DTNBP1: variants seen among roughly 807,000 people sequenced by gnomAD.
DTNBP1 encodes dysbindin.
Under a neutral mutation model 42.8 loss-of-function variants are expected in DTNBP1, and 35 were observed. The observed-to-expected ratio is 0.82, with a 90% CI of 0.63 to 1.09. The LOEUF (loss-of-function observed/expected upper bound fraction) is 1.09, where lower values mean the gene tolerates loss of function less well. Among genes scored for constraint, DTNBP1 ranks in the 50% least tolerant of loss-of-function variants. The pLI is 0.00. For synonymous variants in DTNBP1, 171 were observed against 162.2 expected, an observed-to-expected ratio of 1.05 and a Z score of -0.41; for missense variants, 457 against 424.2, an observed-to-expected ratio of 1.08 and a Z score of -0.68.
At chr6:15,639,765 C>A (rs1265866135) in intron 3 of DTNBP1, among the ~76,000 whole-genome samples, 1 of 152,160 alleles carries the variant, frequency 6.6e-6, no homozygotes, top group Admixed American at 6.5e-5. Flanking sequence ...ACCTAACAAA[C>A]AAGAGACACA....
At chr6:15,570,987 A>G (rs1022524740) in intron 7 of DTNBP1, among the ~76,000 whole-genome samples, 6 of 152,190 alleles carry the variant, frequency 3.9e-5, no homozygotes, top group Non-Finnish European at 8.8e-5. Context: ...ATCTATCTTA[A>G]TGGCATTAAG....
At chr6:15,615,900 A>AT (rs1382736389) in intron 5 of DTNBP1, among the ~76,000 whole-genome samples, 6 of 152,238 alleles carry the variant, frequency 3.9e-5, no homozygotes, top group African/African-American at 1.4e-4. Context: ...ATATGCACAA[A>AT]TACTTGGTAA....
At chr6:15,661,603 G>A (rs1011090744) in intron 1 of DTNBP1, among the ~76,000 whole-genome samples, 1 of 127,706 alleles carries the variant, frequency 7.8e-6, no homozygotes, top group East Asian at 2.7e-4. Flanking sequence ...CCGAGATCAC[G>A]CCACTGCACT....
chr6:15,524,782 T>C (rs577887028), intron 8 of DTNBP1, 113 bp from the exon 9 acceptor site: 8 of 1,516,124 alleles, frequency 5.3e-6, no homozygotes, highest in Middle Eastern at 1.7e-4. Flanking sequence ...TCCTTCAAAA[T>C]GGAATTTGAA....
At chr6:15,604,093 G>T (rs1038306924) in intron 6 of DTNBP1, among the ~76,000 whole-genome samples, 10 of 152,212 alleles carry the variant, frequency 6.6e-5, no homozygotes, top group African/African-American at 2.2e-4. Flanking sequence ...GCAGGATGCA[G>T]AGGCAATCAC....
intron 4 of DTNBP1, among the ~76,000 whole-genome samples, chr6:15,631,914 A>G (rs371199079): frequency 5.9e-5 from 9 of 152,344 alleles, no homozygotes; most frequent in African/African-American, 2.2e-4. Flanking sequence ...TCTTCCGAGG[A>G]AAGAAACAAA....
chr6:15,582,277 C>T (rs1473409480), intron 7 of DTNBP1, among the ~76,000 whole-genome samples: 1 of 152,190 alleles, frequency 6.6e-6, no homozygotes, highest in Non-Finnish European at 1.5e-5. Flanking sequence ...GAGAAAAACA[C>T]AGGTTTTGAG....
intron 1 of DTNBP1, among the ~76,000 whole-genome samples, chr6:15,658,387 C>T (rs570752319): frequency 1.2e-4 from 18 of 152,254 alleles, no homozygotes; most frequent in Admixed American, 9.8e-4. Context: ...CTGGCTCCAA[C>T]CCCCTTTGTG....
intron 7 of DTNBP1, among the ~76,000 whole-genome samples, chr6:15,558,897 T>A (rs965224008): frequency 1.3e-5 from 2 of 152,212 alleles, no homozygotes; most frequent in South Asian, 4.1e-4. Flanking sequence ...TAAATAAATG[T>A]CGTTATGTTA....
intron 7 of DTNBP1, among the ~76,000 whole-genome samples, chr6:15,552,261 T>A (rs907629237): frequency 6.6e-6 from 1 of 151,994 alleles, no homozygotes; most frequent in African/African-American, 2.4e-5. Flanking sequence ...ATAAATCACA[T>A]CCAAATGATC....
intron 7 of DTNBP1, among the ~76,000 whole-genome samples, chr6:15,556,625 A>G (rs141379115): frequency 6.6e-6 from 1 of 152,310 alleles, no homozygotes; most frequent in East Asian, 1.9e-4. Flanking sequence ...CTGGAGATCA[A>G]GATCCCTTTG....
intron 5 of DTNBP1, among the ~76,000 whole-genome samples, chr6:15,619,648 T>C (rs915346648): frequency 6.6e-6 from 1 of 152,014 alleles, no homozygotes; most frequent in African/African-American, 2.4e-5. Flanking sequence ...GAACTGAAAA[T>C]AATATTAAGT....
chr6:15,636,472 A>G (rs1369249099), intron 4 of DTNBP1, among the ~76,000 whole-genome samples: 2 of 152,078 alleles, frequency 1.3e-5, no homozygotes, highest in African/African-American at 4.8e-5. Flanking sequence ...TTCTTAACTT[A>G]GAGGTTCTTT....
chr6:15,645,287 T>C (rs1251486619), intron 3 of DTNBP1, among the ~76,000 whole-genome samples: 4 of 151,300 alleles, frequency 2.6e-5, no homozygotes, highest in Non-Finnish European at 4.4e-5. Flanking sequence ...TCAGTAATAA[T>C]AATAATAAAA....
chr6:15,525,127 C>T (rs537825044), intron 8 of DTNBP1, among the ~76,000 whole-genome samples: 17 of 152,346 alleles, frequency 1.1e-4, no homozygotes, highest in South Asian at 2.1e-4. Flanking sequence ...GAACATTTCT[C>T]GGGCCTAACG....
chr6:15,650,687 A>G (rs921086072), intron 3 of DTNBP1, among the ~76,000 whole-genome samples: 1 of 150,080 alleles, frequency 6.7e-6, no homozygotes, highest in Non-Finnish European at 1.5e-5. Context: ...TGTCTATTCA[A>G]CTCTTTTGCC....
At chr6:15,624,113 T>C (rs986933508) in intron 5 of DTNBP1, among the ~76,000 whole-genome samples, 2 of 152,264 alleles carry the variant, frequency 1.3e-5, no homozygotes, top group African/African-American at 4.8e-5. Flanking sequence ...ATGCCCAGCA[T>C]GTACCAGGCA....
intron 5 of DTNBP1, among the ~76,000 whole-genome samples, chr6:15,619,054 A>G (rs957204819): frequency 1.2e-4 from 18 of 152,226 alleles, no homozygotes; most frequent in African/African-American, 4.3e-4. Context: ...AGGGTAGAAC[A>G]GTGTTTACTA....
intron 3 of DTNBP1, among the ~76,000 whole-genome samples, chr6:15,650,567 C>A (rs545395219): frequency 7.9e-4 from 120 of 152,270 alleles, no homozygotes; most frequent in Non-Finnish European, 5.4e-4. Flanking sequence ...TAGGTATGAG[C>A]CACCGCGACC....
Sources: allele counts gnomAD v4.1 joint callset (sites outside exome capture counted in the v4.1 genomes callset), GRCh38; gene constraint gnomAD v4.1.1; transcripts MANE v1.5; gene names NCBI Gene and HGNC (gene_info 2026-07-23, HGNC 2026-07-21).